Variants in ATL2 observed in about 807,000 individuals in gnomAD.
ATL2 encodes atlastin-2.
In ATL2, 31 loss-of-function variants were observed where a neutral mutation model predicts 73.9. The ratio of observed to expected loss-of-function variants is 0.42; its 90% CI spans 0.32 to 0.57. The LOEUF (loss-of-function observed/expected upper bound fraction) is 0.57, where lower values mean the gene tolerates loss of function less well. Ranked by LOEUF, ATL2 falls within the 20% of genes least tolerant of loss-of-function variation. The probability of loss-of-function intolerance (pLI) is 0.14; values close to 1 mark genes in which losing one functional copy is unlikely to be tolerated. For synonymous variants in ATL2, 291 were observed against 237.5 expected (o/e 1.23, Z -2.07); for missense variants, 738 against 702.6 (o/e 1.05, Z -0.57).
At chr2:38,360,727 AGGT>A in intron 1 of ATL2, among the ~76,000 whole-genome samples, 2 of 152,232 alleles carry the variant, frequency 1.3e-5, no homozygotes, top group South Asian at 4.1e-4. Flanking sequence ...ACGGGCTCTT[AGGT>A]ACTTTTTTGG....
At chr2:38,344,594 AG>A in intron 1 of ATL2, among the ~76,000 whole-genome samples, 1 of 152,318 alleles carries the variant, frequency 6.6e-6, no homozygotes, top group Non-Finnish European at 1.5e-5. Context: ...TGGGCAACAG[AG>A]TGAGTCTCAG....
chr2:38,327,899 G>A (rs532021896), intron 2 of ATL2, among the ~76,000 whole-genome samples: 1 of 152,302 alleles, frequency 6.6e-6, no homozygotes. Flanking sequence ...TTGTGCCACC[G>A]CACTCCAGCC....
chr2:38,323,215 T>G (rs1400783132), intron 2 of ATL2, among the ~76,000 whole-genome samples: 1 of 152,094 alleles, frequency 6.6e-6, no homozygotes, highest in African/African-American at 2.4e-5. Flanking sequence ...TATTTACTAC[T>G]ATGGAGACAA....
At chr2:38,367,482 TG>T (rs1671398023) in intron 1 of ATL2, among the ~76,000 whole-genome samples, 2 of 149,042 alleles carry the variant, frequency 1.3e-5, no homozygotes, top group African/African-American at 4.9e-5. Flanking sequence ...GGCGGGCGCC[TG>T]TAGTCCCAGT....
At chr2:38,355,739 A>G (rs905101473) in intron 1 of ATL2, among the ~76,000 whole-genome samples, 3 of 144,780 alleles carry the variant, frequency 2.1e-5, no homozygotes, top group African/African-American at 7.8e-5. Flanking sequence ...TCGCTCTGTC[A>G]CCCAGGCTGG....
intron 1 of ATL2, among the ~76,000 whole-genome samples, chr2:38,369,857 T>TA (rs200929811): frequency 0.019 from 2,903 of 150,936 alleles, 33 homozygotes; most frequent in Non-Finnish European, 0.029. Context: ...GATTTGTCAT[T>TA]AAAAAAAATC....
intron 4 of ATL2, among the ~76,000 whole-genome samples, chr2:38,317,424 C>T (rs1468715369): frequency 6.6e-6 from 1 of 152,078 alleles, no homozygotes; most frequent in East Asian, 1.9e-4. Context: ...CTAAATTATA[C>T]AGAAAAGAAA....
At chr2:38,298,077 C>G in intron 12 of ATL2, 67 bp downstream of exon 12, 1 of 1,447,462 alleles carries the variant, frequency 6.9e-7, no homozygotes, top group Non-Finnish European at 9.4e-7. Flanking sequence ...AGTACAAATA[C>G]TGCAAAGGAT....
At chr2:38,344,725 T>C (rs1235588193) in intron 1 of ATL2, among the ~76,000 whole-genome samples, 1 of 152,320 alleles carries the variant, frequency 6.6e-6, no homozygotes, top group East Asian at 1.9e-4. Flanking sequence ...CCTAATTTAA[T>C]AACAGTAACC....
intron 1 of ATL2, among the ~76,000 whole-genome samples, chr2:38,362,793 C>T (rs1015587478): frequency 2.0e-5 from 3 of 152,122 alleles, no homozygotes; most frequent in African/African-American, 7.2e-5. Flanking sequence ...GTGATGTCAG[C>T]TAGTGTTAAG....
intron 2 of ATL2, among the ~76,000 whole-genome samples, chr2:38,333,334 C>T (rs1253315651): frequency 6.6e-6 from 1 of 151,892 alleles, no homozygotes; most frequent in Non-Finnish European, 1.5e-5. Context: ...AGCTAAATAG[C>T]AAAATTGTCC....
intron 9 of ATL2, among the ~76,000 whole-genome samples, chr2:38,307,178 T>C (rs1667493674): frequency 1.3e-5 from 2 of 152,064 alleles, no homozygotes; most frequent in Admixed American, 1.3e-4. Context: ...GCCAACATGG[T>C]GAAACCCTGT....
intron 2 of ATL2, among the ~76,000 whole-genome samples, chr2:38,331,607 C>A: frequency 3.9e-5 from 4 of 102,654 alleles, no homozygotes; most frequent in African/African-American, 4.8e-5. Flanking sequence ...AGCAAGACTC[C>A]ATCTCAAAAA....
At chr2:38,365,075 A>G (rs1029943531) in intron 1 of ATL2, among the ~76,000 whole-genome samples, 1 of 151,132 alleles carries the variant, frequency 6.6e-6, no homozygotes, top group East Asian at 1.9e-4. Flanking sequence ...TAAGAGTTGT[A>G]AAGTATCAAG....
At chr2:38,303,355 G>A (rs771319928) in intron 9 of ATL2, among the ~76,000 whole-genome samples, 2 of 151,946 alleles carry the variant, frequency 1.3e-5, no homozygotes, top group Non-Finnish European at 2.9e-5. Context: ...ACACGCGTGC[G>A]CCATCATGCC....
chr2:38,367,604 A>AAAC (rs1553342592), intron 1 of ATL2, among the ~76,000 whole-genome samples: 21 of 122,830 alleles, frequency 1.7e-4, no homozygotes, highest in African/African-American at 1.2e-3. Flanking sequence ...CAAAAAAAAA[A>AAAC]AAAAAAAAAA....
intron 9 of ATL2, among the ~76,000 whole-genome samples, chr2:38,304,607 C>T (rs1001843603): frequency 3.3e-5 from 5 of 152,202 alleles, no homozygotes; most frequent in South Asian, 2.1e-4. Flanking sequence ...CAGACATAGA[C>T]GGTATACTAT....
At chr2:38,325,901 TTGTTTAAAAAA>T (rs1668632301) in intron 2 of ATL2, among the ~76,000 whole-genome samples, 1 of 56,116 alleles carries the variant, frequency 1.8e-5, no homozygotes, top group African/African-American at 8.7e-5. Flanking sequence ...GTTTGTTTGT[TTGTTTAAAAAA>T]AAAAAAAAAA....
chr2:38,362,502 T>C (rs1671068927), intron 1 of ATL2, among the ~76,000 whole-genome samples: 2 of 152,212 alleles, frequency 1.3e-5, no homozygotes, highest in Admixed American at 1.3e-4. Context: ...TACAGATTCT[T>C]AGACCCCACC....
Sources: allele counts gnomAD v4.1 joint callset (sites outside exome capture counted in the v4.1 genomes callset), GRCh38; gene constraint gnomAD v4.1.1; transcripts MANE v1.5; gene names NCBI Gene and HGNC (gene_info 2026-07-23, HGNC 2026-07-21).